SDK2: variants seen among roughly 807,000 people sequenced by gnomAD.
SDK2 encodes protein sidekick-2.
A neutral mutation model predicts 253.9 loss-of-function variants in SDK2; 105 were observed. That is an observed-to-expected ratio of 0.41 (90% CI 0.35 to 0.49). The LOEUF is 0.49. Ranked by LOEUF, SDK2 falls within the 20% of genes least tolerant of loss-of-function variation. The pLI is 0.06. For synonymous variants in SDK2, 1,249 were observed against 1,234.9 expected, an observed-to-expected ratio of 1.01 and a Z score of -0.24; for missense variants, 2,608 against 3,003.0, an observed-to-expected ratio of 0.87 and a Z score of 3.07.
chr17:73,374,999 C>G (rs1030554066), intron 36 of SDK2, among the ~76,000 whole-genome samples: 7 of 152,098 alleles, frequency 4.6e-5, no homozygotes, highest in Admixed American at 2.0e-4. Context: ...AGAGTGACAG[C>G]CAAAGCCCCG....
intron 2 of SDK2, among the ~76,000 whole-genome samples, chr17:73,477,529 C>G (rs2063694478): frequency 6.6e-6 from 1 of 152,214 alleles, no homozygotes; most frequent in African/African-American, 2.4e-5. Context: ...GTTTCCCTGA[C>G]TGTAAAATGG....
intron 25 of SDK2, among the ~76,000 whole-genome samples, chr17:73,394,722 C>A (rs1046603474): frequency 6.6e-6 from 1 of 152,190 alleles, no homozygotes; most frequent in African/African-American, 2.4e-5. Context: ...TGCCTGAATG[C>A]TGGGCTCACA....
chr17:73,505,759 A>C (rs926229268), intron 2 of SDK2, among the ~76,000 whole-genome samples: 1 of 150,584 alleles, frequency 6.6e-6, no homozygotes, highest in Non-Finnish European at 1.5e-5. Context: ...CAATAGCTGG[A>C]CCTCATCATC....
chr17:73,435,691 C>T lies in SDK2; in HGVS notation c.1001-47G>A, dbSNP rs577510214. 53 of 1,487,030 alleles carry T rather than the reference C, an allele frequency of 3.6e-5. No individual in the cohort carries two copies. The South Asian group carries it at 6.6e-4, about 18-fold the overall frequency. The allele number at this position is 1,487,030 out of a possible 1,614,324, so 92.1% of individuals were successfully genotyped here. ...ACCGTCAACCTGCCTCCTGCCTCCT[C>T]TCCGCCTAGGAGGGGTGCTTGGGAG... On this transcript the variant is annotated intron_variant, in intron 8 of 44. Coordinates refer to ENST00000392650, the MANE Select transcript of SDK2 (RefSeq NM_001144952.2). This position sits in a 1 kb window ranked among gnomAD's most constrained non-coding sequence, Gnocchi z 5.7.
chr17:73,636,038 C>T (rs140421432), intron 1 of SDK2, among the ~76,000 whole-genome samples: 152 of 152,282 alleles, frequency 1.0e-3, no homozygotes, highest in African/African-American at 2.3e-3. Context: ...TGGACCAGCC[C>T]GTCTTCAAAC....
chr17:73,340,888 C>T (rs2062430857), intron 44 of SDK2, among the ~76,000 whole-genome samples: 1 of 151,676 alleles, frequency 6.6e-6, no homozygotes, highest in African/African-American at 2.4e-5. Flanking sequence ...GGATTACAGG[C>T]ATGTGCCACC....
chr17:73,471,878 GT>G (rs2145694272), intron 3 of SDK2, among the ~76,000 whole-genome samples: 1 of 152,306 alleles, frequency 6.6e-6, no homozygotes, highest in South Asian at 2.1e-4. Context: ...GGGTCACAGG[GT>G]CAGCAGATGT....
At chr17:73,587,781 C>T (rs77603485) in intron 1 of SDK2, among the ~76,000 whole-genome samples, 4,399 of 152,334 alleles carry the variant, frequency 0.029, 169 homozygotes, top group African/African-American at 0.091. Flanking sequence ...TTTCCCTGAA[C>T]TGGCTTCTCC....
intron 13 of SDK2, among the ~76,000 whole-genome samples, 172 bp downstream of exon 13, chr17:73,423,744 C>T (rs1023895175): frequency 6.6e-6 from 1 of 152,178 alleles, no homozygotes. Context: ...GAGGGCCTAA[C>T]TGAGCTGAGA....
chr17:73,390,274 C>T lies in SDK2; in HGVS notation c.4192+13G>A, dbSNP rs201321798. On this transcript the variant is annotated intron_variant, in intron 29 of 44. Coordinates refer to ENST00000392650, the MANE Select transcript of SDK2 (RefSeq NM_001144952.2). ...CTGCCCCCAAGCCTTCCCTGGCCCCCGTGGGCAGTCACCTCTCTTCTCGGT... is the reference window on the plus strand; with the variant it reads ...CTGCCCCCAAGCCTTCCCTGGCCCCTGTGGGCAGTCACCTCTCTTCTCGGT... The T allele has an allele frequency of 9.5e-5, 147 of 1,555,470 alleles. No individual in the cohort carries two copies. The East Asian group carries it at 1.6e-3, about 17-fold the overall frequency.
intron 2 of SDK2, among the ~76,000 whole-genome samples, chr17:73,475,228 T>C (rs185207556): frequency 2.1e-3 from 322 of 152,296 alleles, no homozygotes; most frequent in Middle Eastern, 0.017. Flanking sequence ...CTTGGCTCAC[T>C]GCAACCTCCA....
At chr17:73,500,849 C>T (rs1205541323) in intron 2 of SDK2, among the ~76,000 whole-genome samples, 1 of 151,534 alleles carries the variant, frequency 6.6e-6, no homozygotes, top group East Asian at 2.0e-4. Flanking sequence ...GTCTATCCTC[C>T]CTCCATTCTC....
At chr17:73,369,721 C>T (rs920858422) in intron 36 of SDK2, among the ~76,000 whole-genome samples, 6 of 152,116 alleles carry the variant, frequency 3.9e-5, no homozygotes, top group Admixed American at 2.6e-4. Flanking sequence ...TGCTGTGGTG[C>T]GATCTTGCTC....
At chr17:73,509,047 G>A (rs1404759268) in intron 1 of SDK2, among the ~76,000 whole-genome samples, 2 of 152,182 alleles carry the variant, frequency 1.3e-5, no homozygotes, top group Non-Finnish European at 2.9e-5. Context: ...CAGAGGGGTG[G>A]GATGTAATTA....
At chr17:73,423,028 GAATA>G (rs1279187898) in intron 14 of SDK2, among the ~76,000 whole-genome samples, 6 of 31,078 alleles carry the variant, frequency 1.9e-4, no homozygotes, top group East Asian at 1.2e-3. Context: ...TCTCAAAAAT[GAATA>G]AATAAATAAA....
intron 12 of SDK2, among the ~76,000 whole-genome samples, chr17:73,426,342 CA>C (rs1186346542): frequency 6.7e-6 from 1 of 150,238 alleles, no homozygotes; most frequent in Non-Finnish European, 1.5e-5. Flanking sequence ...GCTGGGATTA[CA>C]GGCTTGAGCC....
chr17:73,344,837 G>A (rs370392810), intron 44 of SDK2, among the ~76,000 whole-genome samples: 4 of 152,268 alleles, frequency 2.6e-5, no homozygotes, highest in East Asian at 3.9e-4. Flanking sequence ...GAATGGTGAC[G>A]GCAGAACATA....
Position 73,398,056 on chromosome 17 carries a change from G to C in SDK2, c.3333C>G (p.Thr1111=). Residue 1111 remains threonine, a synonymous_variant, in exon 24 of 45, where the codon ACC becomes ACG. Coordinates refer to ENST00000392650, the MANE Select transcript of SDK2 (RefSeq NM_001144952.2). The part of the protein sequence containing the change: ...ANVSLRTASE[T]SLWLRWMPLP... ...TTACCATCCAGCGCAGCCACAGGCT[G>C]GTCTCACTGGCTGTGCGCAGAGACA... 1 of 1,612,670 alleles carries C rather than the reference G, an allele frequency of 6.2e-7. No individual in the cohort carries two copies. Among genetic ancestry groups the C allele is most frequent in the Non-Finnish European group, 8.5e-7 (1 of 1,179,884 alleles).
intron 38 of SDK2, among the ~76,000 whole-genome samples, chr17:73,364,886 G>A (rs2145428978): frequency 1.3e-5 from 2 of 152,282 alleles, no homozygotes; most frequent in South Asian, 4.1e-4. Context: ...GCCTCCCAAA[G>A]TGCTGTCATT....
Sources: gnomAD v4.1 joint callset for allele counts (sites outside exome capture counted in the v4.1 genomes callset) on GRCh38, gnomAD v4.1.1 for gene constraint, Gnocchi (gnomAD v3.1) non-coding constraint, MANE v1.5 for transcripts, NCBI Gene and HGNC (gene_info 2026-07-23, HGNC 2026-07-21) for gene names.